The following LMCD1 variants were observed in gnomAD, a reference collection of about 807,000 sequenced individuals.
LMCD1 encodes LIM and cysteine rich domains 1, also known as LIM and cysteine-rich domains protein 1.
In LMCD1, 32 loss-of-function variants were observed where a neutral mutation model predicts 42.7. That is an observed-to-expected ratio of 0.75 (90% CI 0.57 to 1.01). The LOEUF is 1.01. LMCD1 is among the 50% of genes least tolerant of loss of function. The probability of loss-of-function intolerance (pLI) is 0.00; values close to 1 mark genes in which losing one functional copy is unlikely to be tolerated. For synonymous variants in LMCD1, 178 were observed against 184.9 expected, an observed-to-expected ratio of 0.96 and a Z score of 0.30; for missense variants, 458 against 483.1, an observed-to-expected ratio of 0.95 and a Z score of 0.49.
chr3:8,565,648 G>A lies in LMCD1; in HGVS notation c.939+1G>A. On this transcript the variant is annotated splice_donor_variant, in intron 5 of 5. Coordinates refer to ENST00000157600, the MANE Select transcript of LMCD1 (RefSeq NM_014583.4). LOFTEE classifies it high-confidence loss of function. ...GCCCCGGTGCTCCGGCTGCGATGAG[G>A]TGGGAGATAGCCGCGAGATGGGTTA... The A allele has an allele frequency of 1.9e-6, 3 of 1,590,148 alleles. No individual in the cohort carries two copies. Among genetic ancestry groups the A allele is most frequent in the Non-Finnish European group, 2.6e-6 (3 of 1,168,550 alleles).
At chr3:8,538,817 T>C (rs1337908262) in intron 3 of LMCD1, among the ~76,000 whole-genome samples, 2 of 152,218 alleles carry the variant, frequency 1.3e-5, no homozygotes, top group African/African-American at 4.8e-5. Flanking sequence ...CTGTAAACCG[T>C]AACATCCCTG....
At chr3:8,522,930 A>G (rs1694234446) in intron 1 of LMCD1, among the ~76,000 whole-genome samples, 1 of 152,206 alleles carries the variant, frequency 6.6e-6, no homozygotes, top group Admixed American at 6.5e-5. Flanking sequence ...TCACGAGATA[A>G]ATCCATCTGA....
At chr3:8,548,167 G>C (rs556650699) in intron 3 of LMCD1, among the ~76,000 whole-genome samples, 1 of 152,146 alleles carries the variant, frequency 6.6e-6, no homozygotes. Flanking sequence ...TGTAGCACAC[G>C]ATCATACAGT....
chr3:8,538,599 C>T (rs981656777), intron 3 of LMCD1, among the ~76,000 whole-genome samples: 1 of 152,214 alleles, frequency 6.6e-6, no homozygotes, highest in African/African-American at 2.4e-5. Flanking sequence ...TCCTGCCCTC[C>T]TTGGGGCCTT....
At chr3:8,529,283 T>C (rs1316214080) in intron 1 of LMCD1, among the ~76,000 whole-genome samples, 1 of 152,216 alleles carries the variant, frequency 6.6e-6, no homozygotes, top group Non-Finnish European at 1.5e-5. Flanking sequence ...CATTAAACAG[T>C]CAGCCAGGAA....
At chr3:8,544,754 C>T (rs1225387419) in intron 3 of LMCD1, among the ~76,000 whole-genome samples, 1 of 152,136 alleles carries the variant, frequency 6.6e-6, no homozygotes, top group African/African-American at 2.4e-5. Context: ...CAGCCCCAAG[C>T]GATAAGCTAT....
intron 1 of LMCD1, among the ~76,000 whole-genome samples, chr3:8,522,596 C>G (rs1414697080): frequency 6.6e-6 from 1 of 152,164 alleles, no homozygotes; most frequent in Non-Finnish European, 1.5e-5. Context: ...TCCACCTTGG[C>G]AGGTTGGGCT....
rs1287395790 is a variant in LMCD1 at position 8,569,843 on chromosome 3, A to G, written c.*2245A>G. On this transcript the variant is annotated 3_prime_UTR_variant, in exon 6 of 6. Coordinates refer to ENST00000157600, the MANE Select transcript of LMCD1 (RefSeq NM_014583.4). ...AAACTCCACCCCTACAAAAAATACA[A>G]AAACTATCTGGCATGGTGGCACACC... 1.3e-5 allele frequency: 2 copies of G among 152,352 alleles called. No individual in the cohort carries two copies. The highest frequency in any genetic ancestry group is 2.9e-5 in the Non-Finnish European group (2 of 68,226). 9.4% of individuals were successfully genotyped at this position (152,352 alleles called of 1,614,324 possible).
chr3:8,524,301 G>A (rs574595359), intron 1 of LMCD1, among the ~76,000 whole-genome samples: 7 of 151,994 alleles, frequency 4.6e-5, no homozygotes, highest in African/African-American at 9.6e-5. Context: ...ATCCTCAGTC[G>A]AAGCTTCCAC....
At chr3:8,530,451 T>G (rs980400008) in intron 1 of LMCD1, among the ~76,000 whole-genome samples, 7 of 152,222 alleles carry the variant, frequency 4.6e-5, no homozygotes, top group Admixed American at 6.5e-5. Flanking sequence ...ACCCCGAGTT[T>G]GCAGACAGAT....
chr3:8,514,845 T>C (rs1694068855), intron 1 of LMCD1: 1 of 430,416 alleles, frequency 2.3e-6, no homozygotes. Flanking sequence ...ACCACCTTTA[T>C]AAGAAGAGGT....
intron 4 of LMCD1, among the ~76,000 whole-genome samples, chr3:8,554,325 C>T (rs1413307156): frequency 2.0e-5 from 3 of 152,002 alleles, no homozygotes; most frequent in Admixed American, 6.5e-5. Flanking sequence ...TCTGCTTCAC[C>T]GGCAGAGTGA....
At chr3:8,522,820 A>C (rs1187311864) in intron 1 of LMCD1, among the ~76,000 whole-genome samples, 5 of 152,248 alleles carry the variant, frequency 3.3e-5, no homozygotes. Context: ...TTAAAAATTA[A>C]AAATTAAAGG....
At chr3:8,527,332 A>G (rs1222985763) in intron 1 of LMCD1, among the ~76,000 whole-genome samples, 8 of 152,204 alleles carry the variant, frequency 5.3e-5, no homozygotes, top group Admixed American at 5.2e-4. Flanking sequence ...TGGATGGGCA[A>G]GTTGCTTCTC....
chr3:8,532,816 A>G lies in LMCD1; in HGVS notation c.122A>G (p.His41Arg), dbSNP rs953846862. Residue 41 changes from histidine to arginine, a missense_variant, in exon 2 of 6, where the codon CAT (histidine) becomes CGT (arginine). Transcript: ENST00000157600. ...GGGACGTGTTCGGGCTTCGAGCCAC[A>G]TTCATGGAGGTAACAGATTTTGTCA... is the stretch of plus-strand genomic sequence containing the variant. ...CKGTCSGFEP[H>R]SWRKICKSCK... The G allele has an allele frequency of 2.5e-6, 4 of 1,613,328 alleles. No individual in the cohort carries two copies. Among genetic ancestry groups the G allele is most frequent in the Admixed American group, 3.3e-5 (2 of 59,950 alleles).
rs1389467556 is a variant in LMCD1, at chr3:8,573,868, T to C, written c.*6270T>C. On this transcript the variant is annotated 3_prime_UTR_variant, in exon 6 of 6. Transcript: ENST00000157600. ...GTGAGGGAAATCCAATTAAAACTGG[T>C]TTAAACCTAAAAAAAAAAAAAAGAA... The C allele has an allele frequency of 4.6e-5, 6 of 129,440 alleles. No homozygotes were observed. The highest frequency in any genetic ancestry group is 8.5e-5 in the Non-Finnish European group (5 of 59,164). 8.0% of individuals were successfully genotyped at this position (129,440 alleles called of 1,614,324 possible).
chr3:8,570,692 C>T lies in LMCD1; in HGVS notation c.*3094C>T, dbSNP rs1252620672. On this transcript the variant is annotated 3_prime_UTR_variant, in exon 6 of 6. Coordinates refer to ENST00000157600, the MANE Select transcript of LMCD1 (RefSeq NM_014583.4). ...GGGAACTCACCCTCTCCACCCACCACTTCCAGATGAATTGCTCAGAAACAC... is the reference window on the plus strand; with the variant it reads ...GGGAACTCACCCTCTCCACCCACCATTTCCAGATGAATTGCTCAGAAACAC... The T allele has an allele frequency of 6.6e-6, 1 of 152,310 alleles. No homozygotes were observed. The highest frequency in any genetic ancestry group is 1.5e-5 in the Non-Finnish European group (1 of 68,088). The allele number at this position is 152,310 out of a possible 1,614,324, so 9.4% of individuals were successfully genotyped here.
At chr3:8,506,102 G>A (rs1693874356) in intron 1 of LMCD1, among the ~76,000 whole-genome samples, 1 of 152,194 alleles carries the variant, frequency 6.6e-6, no homozygotes, top group African/African-American at 2.4e-5. Context: ...GTGAATTGCA[G>A]ATTTTTGTCC....
intron 1 of LMCD1, among the ~76,000 whole-genome samples, chr3:8,514,298 C>T (rs532965889): frequency 2.0e-5 from 3 of 152,034 alleles, no homozygotes; most frequent in African/African-American, 4.8e-5. Context: ...TACAGAAAAA[C>T]AAACGCACAA....
Sources: gnomAD v4.1 joint callset for allele counts (sites outside exome capture counted in the v4.1 genomes callset) on GRCh38, gnomAD v4.1.1 for gene constraint, MANE v1.5 for transcripts, NCBI Gene and HGNC (gene_info 2026-07-23, HGNC 2026-07-21) for gene names.